The following PTPN3 variants were observed in gnomAD, a reference collection of about 807,000 sequenced individuals.
PTPN3 encodes protein tyrosine phosphatase non-receptor type 3, also known as tyrosine-protein phosphatase non-receptor type 3.
In PTPN3, 96 loss-of-function variants were observed where a neutral mutation model predicts 132.7. That is an observed-to-expected ratio of 0.72 (90% CI 0.61 to 0.86). The LOEUF is 0.86. Ranked by LOEUF, PTPN3 falls within the 40% of genes least tolerant of loss-of-function variation. The probability of loss-of-function intolerance (pLI) is 0.00; values close to 1 mark genes in which losing one functional copy is unlikely to be tolerated. For synonymous variants in PTPN3, 398 were observed against 429.0 expected, an observed-to-expected ratio of 0.93 and a Z score of 0.89; for missense variants, 1,125 against 1,159.6, an observed-to-expected ratio of 0.97 and a Z score of 0.43.
intron 2 of PTPN3, among the ~76,000 whole-genome samples, chr9:109,460,596 C>T (rs772543952): frequency 4.6e-5 from 7 of 152,180 alleles, no homozygotes; most frequent in Non-Finnish European, 1.0e-4. Flanking sequence ...GGGCTCCAGC[C>T]TCAGGGCCTT....
chr9:109,383,174 T>C (rs1263391228), intron 23 of PTPN3: 1 of 566,632 alleles, frequency 1.8e-6, no homozygotes, highest in Non-Finnish European at 3.1e-6. Flanking sequence ...TTCCATTGTA[T>C]GGACAGACCA....
the PTPN3 span, among the ~76,000 whole-genome samples, chr9:109,505,536 C>A: frequency 6.6e-6 from 1 of 152,178 alleles, no homozygotes; most frequent in African/African-American, 2.4e-5. Flanking sequence ...GCCTTGGCCT[C>A]CCAAAGTGTT....
chr9:109,501,979 A>G (rs1383511850), upstream of PTPN3, among the ~76,000 whole-genome samples: 1 of 152,256 alleles, frequency 6.6e-6, no homozygotes, highest in Non-Finnish European at 1.5e-5. Flanking sequence ...TAGTGCCAGT[A>G]GACTGTACCT....
At chr9:109,438,375 G>A in intron 7 of PTPN3, 141 bp from the exon 8 acceptor site, 1 of 868,106 alleles carries the variant, frequency 1.2e-6, no homozygotes, top group Non-Finnish European at 1.7e-6. Context: ...ATGAACTGAA[G>A]CTTCTCACTA....
chr9:109,481,740 T>C (rs372531214), intron 1 of PTPN3, among the ~76,000 whole-genome samples: 5 of 152,168 alleles, frequency 3.3e-5, no homozygotes, highest in Non-Finnish European at 5.9e-5. Flanking sequence ...TAAGTATCTA[T>C]GGAATGCATG....
At chr9:109,534,716 C>T in the PTPN3 span, among the ~76,000 whole-genome samples, 6 of 150,744 alleles carry the variant, frequency 4.0e-5, no homozygotes, top group African/African-American at 1.5e-4. Context: ...GCAGGAGAAT[C>T]GCTTGAACCC....
At chr9:109,449,334 C>T (rs1845084670) in intron 5 of PTPN3, 2 of 987,336 alleles carry the variant, frequency 2.0e-6, no homozygotes, top group Non-Finnish European at 2.4e-6. Context: ...TCTGTGAAGA[C>T]ACCTTCTTGG....
At chr9:109,420,369 T>C (rs4077728) in intron 14 of PTPN3, 55 bp downstream of exon 14, 408,026 of 1,521,496 alleles carry the variant, frequency 0.27, 57,045 homozygotes, top group East Asian at 0.3. Context: ...CCTGAGCAAA[T>C]TCCGCAACAG....
chr9:109,426,116 G>A (rs1180095433), intron 12 of PTPN3, among the ~76,000 whole-genome samples: 1 of 150,262 alleles, frequency 6.7e-6, no homozygotes, highest in African/African-American at 2.4e-5. Flanking sequence ...TTAGAACAAA[G>A]AAAACAAAAA....
chr9:109,458,902 G>A (rs966221422), intron 2 of PTPN3, among the ~76,000 whole-genome samples: 1 of 152,144 alleles, frequency 6.6e-6, no homozygotes, highest in African/African-American at 2.4e-5. Flanking sequence ...CAGACATTAT[G>A]CCAATGTGCT....
In PTPN3 at chr9:109,457,313, A is replaced by C; in HGVS notation, c.225T>G (p.Asp75Glu). 3 of 1,614,198 alleles carry C rather than the reference A, an allele frequency of 1.9e-6. No individual in the cohort carries two copies. The highest frequency in any genetic ancestry group is 2.5e-6 in the Non-Finnish European group (3 of 1,179,996). ...TTACAGGAGAGTCCACGGAGTCGTC[A>C]TCATGCTGTAAACCAAAATATTCCT... ...TEKEYFGLQH[D>E]DDSVDSPRWL... The change falls in exon 3 of 26, where the codon GAT (aspartate) becomes GAG (glutamate). Residue 75 changes from aspartate to glutamate, a missense_variant. Coordinates refer to ENST00000374541, the MANE Select transcript of PTPN3 (RefSeq NM_002829.4).
intron 4 of PTPN3, among the ~76,000 whole-genome samples, chr9:109,455,982 GTATTTGTCTGCAAGTGGCCCT>G (rs1320382831): frequency 5.5e-4 from 84 of 152,356 alleles, no homozygotes; most frequent in African/African-American, 1.9e-3. Context: ...GATGAGGCAG[GTATTTGTCTGCAAGTGGCCCT>G]GAGGCTCCCA....
At chr9:109,531,335 T>C in the PTPN3 span, among the ~76,000 whole-genome samples, 97 of 152,344 alleles carry the variant, frequency 6.4e-4, no homozygotes. Context: ...AGAGTATAGA[T>C]AGGGTGCTCT....
rs79431966 is a variant in PTPN3 at position 109,459,288 on chromosome 9, A to C, written c.139-1889T>G. On this transcript the variant is annotated intron_variant, in intron 2 of 25. Transcript: ENST00000374541. ...GCTGAGAGAAGAACGACTGATATCC[A>C]AGTCAGCTTCCCTGACATCTGCTCC... 8.2e-3 allele frequency among the ~76,000 whole-genome samples: 1,244 copies of C among 152,364 alleles called. 12 individuals carry two copies. The highest frequency in any genetic ancestry group is 0.028 in the African/African-American group (1,148 of 41,584).
intron 14 of PTPN3, among the ~76,000 whole-genome samples, chr9:109,418,678 G>A (rs914489238): frequency 2.6e-5 from 4 of 152,220 alleles, no homozygotes; most frequent in Non-Finnish European, 5.9e-5. Context: ...CAAGATGGAG[G>A]CCAACACTCC....
At chr9:109,460,847 T>C (rs1413041826) in intron 2 of PTPN3, among the ~76,000 whole-genome samples, 1 of 152,258 alleles carries the variant, frequency 6.6e-6, no homozygotes, top group East Asian at 1.9e-4. Flanking sequence ...TTGTTCTGTT[T>C]TGTGCACTGT....
intron 21 of PTPN3, among the ~76,000 whole-genome samples, chr9:109,390,258 G>T (rs1839949415): frequency 1.3e-5 from 2 of 152,140 alleles, no homozygotes; most frequent in Non-Finnish European, 2.9e-5. Context: ...TTTTATTAGG[G>T]CATTTCTTGA....
the PTPN3 span, among the ~76,000 whole-genome samples, chr9:109,528,563 T>C: frequency 6.6e-6 from 1 of 152,220 alleles, no homozygotes; most frequent in Non-Finnish European, 1.5e-5. Context: ...AGTGTTTATC[T>C]TTGGCAGTTT....
the PTPN3 span, among the ~76,000 whole-genome samples, chr9:109,526,344 T>C: frequency 6.6e-6 from 1 of 152,108 alleles, no homozygotes; most frequent in Non-Finnish European, 1.5e-5. Context: ...GCAAGTTTTT[T>C]TTTTTTTTAA....
Sources: allele counts gnomAD v4.1 joint callset (sites outside exome capture counted in the v4.1 genomes callset), GRCh38; gene constraint gnomAD v4.1.1; transcripts MANE v1.5; gene names NCBI Gene and HGNC (gene_info 2026-07-23, HGNC 2026-07-21).